IMMP2L: variants seen among roughly 807,000 people sequenced by gnomAD.
IMMP2L encodes the protein inner mitochondrial membrane peptidase subunit 2, also known as mitochondrial inner membrane protease subunit 2.
In IMMP2L, 18 loss-of-function variants were observed where a neutral mutation model predicts 19.3. That is an observed-to-expected ratio of 0.93 (90% confidence interval 0.64 to 1.38). The LOEUF (loss-of-function observed/expected upper bound fraction) is 1.38, where lower values mean the gene tolerates loss of function less well. IMMP2L is among the 40% of genes most tolerant of loss of function. The probability of loss-of-function intolerance (pLI) is 0.00; values close to 1 mark genes in which losing one functional copy is unlikely to be tolerated. For missense variants in IMMP2L, 233 were observed against 218.2 expected, an observed-to-expected ratio of 1.07 and a Z score of -0.43; for synonymous variants, 76 against 73.0, an observed-to-expected ratio of 1.04 and a Z score of -0.21.
At chr7:110,771,598 A>G (rs185462929) in intron 5 of IMMP2L, among the ~76,000 whole-genome samples, 5 of 152,244 alleles carry the variant, frequency 3.3e-5, no homozygotes. Flanking sequence ...GCTGGCCATG[A>G]AGCTTACATG....
At chr7:111,438,134 G>T (rs952869821) in intron 3 of IMMP2L, among the ~76,000 whole-genome samples, 2 of 151,702 alleles carry the variant, frequency 1.3e-5, no homozygotes, top group South Asian at 4.2e-4. Flanking sequence ...ACTCAACGGA[G>T]TTACCTATTA....
At chr7:111,175,747 G>A (rs1474376130) in intron 3 of IMMP2L, among the ~76,000 whole-genome samples, 1 of 151,622 alleles carries the variant, frequency 6.6e-6, no homozygotes, top group East Asian at 1.9e-4. Flanking sequence ...ACCCTACAAT[G>A]GCAGAAAACC....
At chr7:111,039,974 T>C (rs147403766) in intron 3 of IMMP2L, among the ~76,000 whole-genome samples, 5,989 of 152,278 alleles carry the variant, frequency 0.039, 144 homozygotes, top group Middle Eastern at 0.065. Context: ...AAGGCCAGCC[T>C]GGCCAACACA....
chr7:111,194,222 C>G (rs1320428748), intron 3 of IMMP2L, among the ~76,000 whole-genome samples: 10 of 152,118 alleles, frequency 6.6e-5, no homozygotes, highest in Admixed American at 2.6e-4. Flanking sequence ...TCTTCTGTAG[C>G]TAGTAAAGGA....
rs532507807 is a variant in IMMP2L, at chr7:111,470,447, A to G, written c.239+16791T>C. Among the ~76,000 whole-genome samples the G allele has an allele frequency of 2.7e-3, 405 of 152,148 alleles. 2 individuals carry two copies. The highest frequency in any genetic ancestry group is 4.8e-3 in the Non-Finnish European group (328 of 68,008). On this transcript the variant is annotated intron_variant, in intron 3 of 5. Coordinates refer to ENST00000405709, the MANE Select transcript of IMMP2L (RefSeq NM_032549.4). ...ACGTATGTTTATTGTGGCACTATTC[A>G]CAATAGCAAAGACTTGGAACCAACC...
At chr7:110,919,705 C>T (rs1814038549) in intron 4 of IMMP2L, among the ~76,000 whole-genome samples, 1 of 151,808 alleles carries the variant, frequency 6.6e-6, no homozygotes, top group Admixed American at 6.6e-5. Context: ...CTAAGAGTAC[C>T]ATTGTGAGCT....
intron 3 of IMMP2L, among the ~76,000 whole-genome samples, chr7:111,334,537 T>C (rs1826203596): frequency 6.6e-6 from 1 of 152,140 alleles, no homozygotes; most frequent in African/African-American, 2.4e-5. Flanking sequence ...TTAACATTTC[T>C]ATCAATGAAA....
intron 3 of IMMP2L, among the ~76,000 whole-genome samples, chr7:111,218,442 T>C (rs1198426306): frequency 1.4e-5 from 2 of 144,674 alleles, no homozygotes; most frequent in Non-Finnish European, 3.1e-5. Flanking sequence ...TCACCATATT[T>C]TCAAAAGTTT....
At chr7:110,787,223 A>G (rs1275059417) in intron 5 of IMMP2L, among the ~76,000 whole-genome samples, 1 of 152,112 alleles carries the variant, frequency 6.6e-6, no homozygotes, top group Non-Finnish European at 1.5e-5. Flanking sequence ...ATGTTGCAAT[A>G]TACCCCCAGT....
chr7:110,946,924 G>T (rs892009980), intron 4 of IMMP2L, among the ~76,000 whole-genome samples: 1 of 151,912 alleles, frequency 6.6e-6, no homozygotes, highest in African/African-American at 2.4e-5. Flanking sequence ...GTTTCACCGT[G>T]TTAGTCAGGA....
chr7:111,095,769 T>G (rs1263916440), intron 3 of IMMP2L, among the ~76,000 whole-genome samples: 1 of 152,022 alleles, frequency 6.6e-6, no homozygotes, highest in Non-Finnish European at 1.5e-5. Flanking sequence ...CTGTAAATAA[T>G]TTAAGGCACT....
intron 3 of IMMP2L, among the ~76,000 whole-genome samples, chr7:111,112,272 G>A (rs1419221933): frequency 6.6e-6 from 1 of 151,980 alleles, no homozygotes; most frequent in Non-Finnish European, 1.5e-5. Context: ...CCCTGAAAAT[G>A]AAAAACTTTA....
intron 2 of IMMP2L, among the ~76,000 whole-genome samples, chr7:111,507,935 C>G (rs75651933): frequency 0.018 from 2,687 of 152,226 alleles, 34 homozygotes; most frequent in Non-Finnish European, 0.028. Flanking sequence ...TGACCAAGCT[C>G]CTACTTGAGC....
At chr7:111,389,583 G>A (rs1832131208) in intron 3 of IMMP2L, among the ~76,000 whole-genome samples, 1 of 151,672 alleles carries the variant, frequency 6.6e-6, no homozygotes, top group Non-Finnish European at 1.5e-5. Context: ...AAGAGGAGAG[G>A]GAGGGCAGAT....
chr7:110,695,162 T>C (rs1793792758), intron 5 of IMMP2L, among the ~76,000 whole-genome samples: 1 of 152,140 alleles, frequency 6.6e-6, no homozygotes, highest in African/African-American at 2.4e-5. Flanking sequence ...ATCATAAAAA[T>C]GTTTGATGAC....
intron 1 of IMMP2L, among the ~76,000 whole-genome samples, chr7:111,537,616 A>G (rs892473177): frequency 7.0e-6 from 1 of 142,886 alleles, no homozygotes; most frequent in African/African-American, 2.7e-5. Flanking sequence ...GCTCACTGCA[A>G]CCTCTGCCTC....
chr7:111,064,202 A>G (rs1794287347), intron 3 of IMMP2L, among the ~76,000 whole-genome samples: 1 of 152,252 alleles, frequency 6.6e-6, no homozygotes, highest in Non-Finnish European at 1.5e-5. Context: ...TACTTTTTAA[A>G]CCATCAGATC....
At chr7:111,124,460 C>A (rs770251970) in intron 3 of IMMP2L, 3 of 1,613,736 alleles carry the variant, frequency 1.9e-6, no homozygotes, top group East Asian at 4.5e-5. Flanking sequence ...ACTGAAAATT[C>A]TCATGCTGCG....
intron 5 of IMMP2L, among the ~76,000 whole-genome samples, chr7:110,867,686 A>T (rs1808116340): frequency 6.6e-6 from 1 of 151,912 alleles, no homozygotes; most frequent in Non-Finnish European, 1.5e-5. Flanking sequence ...ACCTTGGATC[A>T]GGTTGAACAG....
Sources: allele counts gnomAD v4.1 joint callset (sites outside exome capture counted in the v4.1 genomes callset), GRCh38; gene constraint gnomAD v4.1.1; transcripts MANE v1.5; gene names NCBI Gene and HGNC (gene_info 2026-07-23, HGNC 2026-07-21).